PDSS2: variants seen among roughly 807,000 people sequenced by gnomAD.
PDSS2 encodes the protein decaprenyl diphosphate synthase subunit 2.
PDSS2 carries 31 observed loss-of-function variants against 44.5 expected under a neutral mutation model. The observed-to-expected ratio is 0.70, with a 90% CI of 0.52 to 0.94. The LOEUF is 0.94. Among genes scored for constraint, PDSS2 ranks in the 40% least tolerant of loss-of-function variants. PDSS2 has a pLI of 0.00. For missense variants in PDSS2, 452 were observed against 482.2 expected, an observed-to-expected ratio of 0.94 and a Z score of 0.59; for synonymous variants, 157 against 180.3, an observed-to-expected ratio of 0.87 and a Z score of 1.03.
At chr6:107,334,796 C>T (rs1033528061) in intron 1 of PDSS2, among the ~76,000 whole-genome samples, 11 of 151,748 alleles carry the variant, frequency 7.2e-5, no homozygotes, top group Non-Finnish European at 1.5e-4. Flanking sequence ...AATCTTTCTG[C>T]CTTAGCCTCC....
At chr6:107,196,428 A>G (rs1449198701) in intron 6 of PDSS2, among the ~76,000 whole-genome samples, 1 of 152,216 alleles carries the variant, frequency 6.6e-6, no homozygotes, top group Non-Finnish European at 1.5e-5. Flanking sequence ...TCAGTTCTCA[A>G]ACTCGCAGCT....
chr6:107,383,751 T>C (rs143691155), intron 1 of PDSS2, among the ~76,000 whole-genome samples: 21 of 152,262 alleles, frequency 1.4e-4, no homozygotes, highest in African/African-American at 5.1e-4. Flanking sequence ...TTTACACCCA[T>C]TAGGATGGCT....
At chr6:107,393,834 C>T (rs1219177235) in intron 1 of PDSS2, among the ~76,000 whole-genome samples, 1 of 152,164 alleles carries the variant, frequency 6.6e-6, no homozygotes, top group African/African-American at 2.4e-5. Context: ...ATACATGTTC[C>T]TTTTTAACCC....
intron 7 of PDSS2, among the ~76,000 whole-genome samples, chr6:107,156,469 C>T (rs1163775769): frequency 6.6e-6 from 1 of 152,204 alleles, no homozygotes; most frequent in African/African-American, 2.4e-5. Flanking sequence ...GCTGGGATTA[C>T]AGGCGTGAGC....
intron 1 of PDSS2, among the ~76,000 whole-genome samples, chr6:107,425,918 G>A (rs1428433489): frequency 1.3e-5 from 2 of 150,396 alleles, no homozygotes; most frequent in Non-Finnish European, 1.5e-5. Context: ...CCGAGATTGC[G>A]CCACTGCACT....
intron 1 of PDSS2, among the ~76,000 whole-genome samples, chr6:107,386,362 T>C (rs75522537): frequency 0.023 from 3,380 of 148,676 alleles, 107 homozygotes; most frequent in East Asian, 0.12. Flanking sequence ...TAGTTTTACA[T>C]TGTATATGTC....
intron 2 of PDSS2, among the ~76,000 whole-genome samples, chr6:107,332,433 C>A (rs914763032): frequency 6.6e-6 from 1 of 152,082 alleles, no homozygotes; most frequent in African/African-American, 2.4e-5. Flanking sequence ...AGCTCTAACT[C>A]AAGCAGGTTT....
chr6:107,272,441 C>G (rs953632500), intron 3 of PDSS2, among the ~76,000 whole-genome samples: 1 of 152,048 alleles, frequency 6.6e-6, no homozygotes, highest in African/African-American at 2.4e-5. Context: ...ATGGCAAATG[C>G]CTCGGGCCAT....
intron 1 of PDSS2, among the ~76,000 whole-genome samples, chr6:107,452,769 C>G (rs955990468): frequency 6.6e-6 from 1 of 151,536 alleles, no homozygotes; most frequent in East Asian, 2.0e-4. Context: ...CAAGTTCAAG[C>G]GATTCTCCTG....
intron 7 of PDSS2, among the ~76,000 whole-genome samples, chr6:107,176,429 T>TACACACACACAC (rs71012784): frequency 0.011 from 1,585 of 149,770 alleles, 26 homozygotes; most frequent in African/African-American, 0.037. Context: ...CACACACACA[T>TACACACACACAC]ACACACACAC....
chr6:107,353,010 C>G (rs193201514), intron 1 of PDSS2, among the ~76,000 whole-genome samples: 9 of 152,266 alleles, frequency 5.9e-5, no homozygotes, highest in Admixed American at 5.9e-4. Context: ...TTGTCACAAA[C>G]TATGTGCTCA....
intron 3 of PDSS2, among the ~76,000 whole-genome samples, chr6:107,246,858 G>A (rs898724540): frequency 3.9e-5 from 6 of 152,216 alleles, no homozygotes; most frequent in Non-Finnish European, 8.8e-5. Context: ...CATATACAAA[G>A]TCTTTTTTAT....
intron 7 of PDSS2, among the ~76,000 whole-genome samples, chr6:107,157,007 C>T (rs1398756303): frequency 2.6e-5 from 4 of 152,186 alleles, no homozygotes; most frequent in Admixed American, 6.6e-5. Context: ...ACCAGGTCTG[C>T]ACCCCTGGAC....
intron 1 of PDSS2, among the ~76,000 whole-genome samples, chr6:107,359,007 C>CTTTTTTTT (rs59632305): frequency 1.8e-4 from 17 of 93,050 alleles, no homozygotes; most frequent in African/African-American, 4.7e-4. Context: ...CATTCTCGCT[C>CTTTTTTTT]TTTTTTTTTT....
intron 1 of PDSS2, among the ~76,000 whole-genome samples, chr6:107,384,772 T>C (rs948294573): frequency 2.0e-5 from 3 of 152,102 alleles, no homozygotes; most frequent in Non-Finnish European, 4.4e-5. Context: ...ACACTCACAC[T>C]CACACAACTT....
intron 7 of PDSS2, among the ~76,000 whole-genome samples, chr6:107,186,898 T>C (rs1471953670): frequency 6.6e-6 from 1 of 152,218 alleles, no homozygotes; most frequent in African/African-American, 2.4e-5. Context: ...TTTCCAGCAA[T>C]AAATGAATTT....
chr6:107,418,176 A>G (rs1223135917), intron 1 of PDSS2, among the ~76,000 whole-genome samples: 1 of 152,150 alleles, frequency 6.6e-6, no homozygotes, highest in Non-Finnish European at 1.5e-5. Flanking sequence ...CTCTGCAGGT[A>G]TGATTAAGTT....
intron 1 of PDSS2, among the ~76,000 whole-genome samples, chr6:107,370,746 A>T (rs1779104438): frequency 6.6e-6 from 1 of 152,152 alleles, no homozygotes; most frequent in Admixed American, 6.5e-5. Flanking sequence ...TATTTTTATC[A>T]CCTCTTTTCA....
intron 1 of PDSS2, among the ~76,000 whole-genome samples, chr6:107,430,045 A>T (rs1781144815): frequency 6.6e-6 from 1 of 150,810 alleles, no homozygotes. Context: ...TACTTAGCAT[A>T]TACAAGACCT....
Sources: gnomAD v4.1 joint callset for allele counts (sites outside exome capture counted in the v4.1 genomes callset) on GRCh38, gnomAD v4.1.1 for gene constraint, MANE v1.5 for transcripts, NCBI Gene and HGNC (gene_info 2026-07-23, HGNC 2026-07-21) for gene names.